Variants in KLHL29 observed in about 807,000 individuals in gnomAD.
KLHL29 encodes the protein kelch-like protein 29.
Under a neutral mutation model 80.4 loss-of-function variants are expected in KLHL29, and 21 were observed. The ratio of observed to expected loss-of-function variants is 0.26; its 90% CI spans 0.19 to 0.38. KLHL29 has a LOEUF of 0.38. Ranked by LOEUF, KLHL29 falls within the 10% of genes least tolerant of loss-of-function variation. KLHL29 has a pLI of 1.00. For missense variants in KLHL29, 867 were observed against 1,223.9 expected (o/e 0.71, Z 4.35); for synonymous variants, 511 against 526.8 (o/e 0.97, Z 0.41).
intron 2 of KLHL29, among the ~76,000 whole-genome samples, chr2:23,496,693 G>T (rs763065224): frequency 7.5e-4 from 115 of 152,334 alleles, no homozygotes; most frequent in Non-Finnish European, 1.4e-3. Context: ...AGGGACCACC[G>T]CTGTCTCTGC....
intron 3 of KLHL29, among the ~76,000 whole-genome samples, chr2:23,582,008 G>A (rs1276102254): frequency 1.3e-5 from 2 of 152,062 alleles, no homozygotes; most frequent in Non-Finnish European, 2.9e-5. Flanking sequence ...CTCCATCTGA[G>A]TCCAACCCTC....
At chr2:23,584,553 C>T (rs1668069422) in intron 3 of KLHL29, among the ~76,000 whole-genome samples, 1 of 152,190 alleles carries the variant, frequency 6.6e-6, no homozygotes, top group African/African-American at 2.4e-5. Context: ...CTGAGCTCAT[C>T]ACGTCCCTCC....
In KLHL29 at chr2:23,500,758, C is replaced by T. The variant is rs549489230; in HGVS notation, c.-46+25091C>T. Among the ~76,000 whole-genome samples, 21 of 152,196 alleles carry T rather than the reference C, an allele frequency of 1.4e-4. No individual in the cohort carries two copies. The South Asian group carries it at 4.2e-3, about 30-fold the overall frequency. ...TTTCCAAGAAAAGAGTTTTAAAAAC[C>T]GATTACTTTCCCTAACTCCTCATCC... On this transcript the variant is annotated intron_variant, in intron 2 of 13. Transcript: ENST00000486442.
Position 23,693,514 on chromosome 2 carries a change from G to A in KLHL29, c.1528G>A (p.Ala510Thr), listed in dbSNP as rs1213813446. The A allele has an allele frequency of 1.4e-5, 21 of 1,550,294 alleles. No individual in the cohort carries two copies. Among genetic ancestry groups the A allele is most frequent in the African/African-American group, 5.5e-5 (4 of 73,024 alleles). Reference sequence around the variant, plus strand: ...CATCAAGTGGATCAAGAAGGACCCCGCGACACGCACACAGGTGGGGCCTGC... The same window carrying A: ...CATCAAGTGGATCAAGAAGGACCCCACGACACGCACACAGGTGGGGCCTGC... The part of the protein sequence containing the change: ...TVIKWIKKDP[A>T]TRTQYAAELL... Residue 510 changes from alanine to threonine, a missense_variant, in exon 8 of 14, where the codon GCG becomes ACG. Physicochemically the swap from Ala to Thr is moderately conservative, Grantham distance 58. Transcript: ENST00000486442.
chr2:23,481,841 C>G (rs1294364752), intron 2 of KLHL29, among the ~76,000 whole-genome samples: 1 of 151,896 alleles, frequency 6.6e-6, no homozygotes, highest in African/African-American at 2.4e-5. Context: ...TGCTTGAACC[C>G]GGGAGGCAGA....
At chr2:23,561,396 A>G (rs1667443228) in intron 2 of KLHL29, among the ~76,000 whole-genome samples, 1 of 152,154 alleles carries the variant, frequency 6.6e-6, no homozygotes, top group African/African-American at 2.4e-5. Context: ...GAGGCTCAGG[A>G]GAGCTGTGTG....
intron 6 of KLHL29, among the ~76,000 whole-genome samples, chr2:23,685,738 G>A (rs1048873188): frequency 6.6e-6 from 1 of 152,212 alleles, no homozygotes; most frequent in East Asian, 1.9e-4. Context: ...AAGCACAGGG[G>A]TTAGGGGCAT....
At position 23,684,911 on chromosome 2, in the gene KLHL29, C is replaced by T. The variant is rs1485198142; in HGVS notation, c.1079+374C>T. 2.0e-5 allele frequency among the ~76,000 whole-genome samples: 3 copies of T among 152,112 alleles called. No homozygotes were observed. The highest frequency in any genetic ancestry group is 7.2e-5 in the African/African-American group (3 of 41,414). ...TTTTAAGGGATCACTACACACTGCC[C>T]CCACCGGGCCAGAGCAGGATCCCCA... On this transcript the variant is annotated intron_variant, in intron 6 of 13. Coordinates refer to ENST00000486442, the MANE Select transcript of KLHL29 (RefSeq NM_052920.2). This position sits in a 1 kb window ranked among gnomAD's most constrained non-coding sequence, Gnocchi z 4.4.
At chr2:23,449,301 TG>T (rs1663798241) in intron 1 of KLHL29, among the ~76,000 whole-genome samples, 1 of 152,238 alleles carries the variant, frequency 6.6e-6, no homozygotes. Context: ...GTCTATCTAA[TG>T]GCTATTGACT....
At chr2:23,404,179 C>T (rs376500881) in intron 1 of KLHL29, among the ~76,000 whole-genome samples, 2 of 152,062 alleles carry the variant, frequency 1.3e-5, no homozygotes, top group African/African-American at 4.8e-5. Context: ...GCTCATCTTA[C>T]ATAATTTTAT....
chr2:23,437,473 A>G (rs1163704195), intron 1 of KLHL29, among the ~76,000 whole-genome samples: 3 of 152,236 alleles, frequency 2.0e-5, no homozygotes, highest in Non-Finnish European at 4.4e-5. Context: ...GAATTCAGAA[A>G]GGAATTAGTA....
intron 2 of KLHL29, among the ~76,000 whole-genome samples, 172 bp from the exon 3 acceptor site, chr2:23,561,980 C>G (rs1003084202): frequency 2.0e-5 from 3 of 152,154 alleles, no homozygotes; most frequent in African/African-American, 7.2e-5. Flanking sequence ...TATTCCTTGT[C>G]TGTGAAGTGG....
chr2:23,559,599 G>A lies in KLHL29; in HGVS notation c.-45-2553G>A, dbSNP rs555173585. Among the ~76,000 whole-genome samples, 56 of 152,208 alleles carry A rather than the reference G, an allele frequency of 3.7e-4. No homozygotes were observed. The South Asian group carries it at 0.01, about 28-fold the overall frequency. On this transcript the variant is annotated intron_variant, in intron 2 of 13. Transcript: ENST00000486442. The stretch of plus-strand genomic sequence containing the variant: ...GGAATGGAGATGAGGAGATAGAGGC[G>A]GCTTTCTCTGAGAGAGGGAATTCCT...
rs12618713 is a variant in KLHL29, at chr2:23,583,364, A to G, written c.285+20883A>G. Among the ~76,000 whole-genome samples, 250 of 152,384 alleles carry G rather than the reference A, an allele frequency of 1.6e-3. 4 individuals are homozygous for G. In the East Asian group the frequency reaches 0.044, roughly 27 times the overall value. ...GATGCTGTGAGTTTAATCCAGGAGCAGCAGGCTGACCTGCTGACCTCGTCT... is the reference window on the plus strand; with the variant it reads ...GATGCTGTGAGTTTAATCCAGGAGCGGCAGGCTGACCTGCTGACCTCGTCT... On this transcript the variant is annotated intron_variant, in intron 3 of 13. Coordinates refer to ENST00000486442, the MANE Select transcript of KLHL29 (RefSeq NM_052920.2).
intron 3 of KLHL29, among the ~76,000 whole-genome samples, chr2:23,606,299 G>T (rs1489571826): frequency 1.3e-5 from 2 of 152,106 alleles, no homozygotes; most frequent in Non-Finnish European, 2.9e-5. Context: ...CACACAGCCT[G>T]CTCAGGAAAG....
In KLHL29 at chr2:23,562,562, T is replaced by A. The variant is rs1667478580; in HGVS notation, c.285+81T>A. On this transcript the variant is annotated intron_variant, in intron 3 of 13. Coordinates refer to ENST00000486442, the MANE Select transcript of KLHL29 (RefSeq NM_052920.2). This position sits in a 1 kb window ranked among gnomAD's most constrained non-coding sequence, Gnocchi z 4.5. ...GCAGGCTCAGGCCAGCCCCACAGGC[T>A]CCTGTGGGGCAGCCTGTGCTCCACG... is the stretch of plus-strand genomic sequence containing the variant. The A allele has an allele frequency of 1.4e-6, 2 of 1,379,740 alleles. No individual in the cohort carries two copies. Among genetic ancestry groups the A allele is most frequent in the Non-Finnish European group, 9.7e-7 (1 of 1,027,516 alleles). The allele number at this position is 1,379,740 out of a possible 1,614,324, so 85.5% of individuals were successfully genotyped here.
chr2:23,393,949 T>C (rs2103384127), intron 1 of KLHL29, among the ~76,000 whole-genome samples: 1 of 152,308 alleles, frequency 6.6e-6, no homozygotes, highest in South Asian at 2.1e-4. Context: ...ATGTCAAGCA[T>C]GAGGCTTCCT....
At chr2:23,621,277 G>A (rs965760298) in intron 3 of KLHL29, among the ~76,000 whole-genome samples, 2 of 152,220 alleles carry the variant, frequency 1.3e-5, no homozygotes, top group Admixed American at 1.3e-4. Context: ...GACTGGGGAA[G>A]CCCAGCCGGA....
rs1667462545 is a variant in KLHL29, at chr2:23,562,167, C to A, written c.-30C>A. The A allele has an allele frequency of 6.5e-7, 1 of 1,549,306 alleles. No individual in the cohort carries two copies. Among genetic ancestry groups the A allele is most frequent in the South Asian group, 1.2e-5 (1 of 84,046 alleles). On this transcript the variant is annotated 5_prime_UTR_variant, in exon 3 of 14. Transcript: ENST00000486442. This position sits in a 1 kb window ranked among gnomAD's most constrained non-coding sequence, Gnocchi z 4.5. ...GTCACCACAGGTCCGGGCTCTGTTT[C>A]CCTGTGAGAAGCCGCCTCGGCCCAC...
Sources: allele counts gnomAD v4.1 joint callset (sites outside exome capture counted in the v4.1 genomes callset), GRCh38; gene constraint gnomAD v4.1.1; non-coding constraint Gnocchi (gnomAD v3.1); transcripts MANE v1.5; gene names NCBI Gene and HGNC (gene_info 2026-07-23, HGNC 2026-07-21).